The following SLC1A2 variants were observed in gnomAD, a reference collection of about 807,000 sequenced individuals.
The protein encoded by SLC1A2 is solute carrier family 1 member 2, also known as excitatory amino acid transporter 2.
Under a neutral mutation model 48.8 loss-of-function variants are expected in SLC1A2, and 15 were observed. The observed-to-expected ratio is 0.31, with a 90% CI of 0.21 to 0.47. SLC1A2 has a LOEUF of 0.47. Among genes scored for constraint, SLC1A2 ranks in the 20% least tolerant of loss-of-function variants. SLC1A2 has a pLI of 0.99. For synonymous variants in SLC1A2, 279 were observed against 272.6 expected (o/e 1.02, Z -0.23); for missense variants, 502 against 730.5 (o/e 0.69, Z 3.61).
chr11:35,313,270 A>G (rs1477832459), intron 3 of SLC1A2, among the ~76,000 whole-genome samples: 1 of 152,196 alleles, frequency 6.6e-6, no homozygotes, highest in Non-Finnish European at 1.5e-5. Flanking sequence ...GAGTCTGAGA[A>G]TAACGATTTT....
intron 1 of SLC1A2, among the ~76,000 whole-genome samples, chr11:35,329,441 G>A (rs1394268707): frequency 6.6e-6 from 1 of 152,158 alleles, no homozygotes; most frequent in Non-Finnish European, 1.5e-5. Flanking sequence ...GTTGACAGTT[G>A]GGGAGGCTGC....
intron 1 of SLC1A2, among the ~76,000 whole-genome samples, chr11:35,398,167 C>T (rs1029988876): frequency 3.9e-5 from 6 of 152,158 alleles, no homozygotes; most frequent in Non-Finnish European, 8.8e-5. Context: ...ACATGTAAAC[C>T]TACTTGGCTC....
chr11:35,312,052 C>T lies in SLC1A2; in HGVS notation c.561+146G>A, dbSNP rs141589579. 1.3e-4 allele frequency: 100 copies of T among 791,526 alleles called. No individual in the cohort carries two copies. The African/African-American group carries it at 1.5e-3, about 12-fold the overall frequency. 49.0% of individuals were successfully genotyped at this position (791,526 alleles called of 1,614,324 possible). On this transcript the variant is annotated intron_variant, in intron 4 of 10. Coordinates refer to ENST00000278379, the MANE Select transcript of SLC1A2 (RefSeq NM_004171.4). Reference sequence around the variant, plus strand: ...CCAATCCCAAGATCCTGCCCTAAACCACCTCATAGAATCCCTGGGCCTAGA... The same window carrying T: ...CCAATCCCAAGATCCTGCCCTAAACTACCTCATAGAATCCCTGGGCCTAGA...
At chr11:35,268,071 C>G (rs1327959156) in intron 9 of SLC1A2, among the ~76,000 whole-genome samples, 2 of 152,206 alleles carry the variant, frequency 1.3e-5, no homozygotes, top group African/African-American at 2.4e-5. Flanking sequence ...GAGAAAAGTA[C>G]AGGCTACAGA....
chr11:35,287,123 G>A (rs1850846507), intron 7 of SLC1A2, among the ~76,000 whole-genome samples, 172 bp from the exon 8 acceptor site: 1 of 152,160 alleles, frequency 6.6e-6, no homozygotes, highest in Non-Finnish European at 1.5e-5. Context: ...GTGAGTTGGA[G>A]GCTCAAATTC....
chr11:35,348,224 CA>C (rs3833776), intron 1 of SLC1A2, among the ~76,000 whole-genome samples: 10,691 of 152,208 alleles, frequency 0.07, 548 homozygotes, highest in Middle Eastern at 0.15. Context: ...AGTCCTGGGC[CA>C]TCTGTTTTTA....
In SLC1A2 at chr11:35,306,136, G is replaced by A. The variant is rs142741081; in HGVS notation, c.668C>T (p.Pro223Leu). ...SLLNETVTEV[P>L]EETKMVIKKG... ...CTTGATAACCATCTTAGTCTCCTCC[G>A]GCACCTCAGTCACAGTCTCGTTCAA... is the stretch of plus-strand genomic sequence containing the variant. The change falls in exon 5 of 11, where the codon CCG (proline) becomes CTG (leucine). Residue 223 changes from proline (P) to leucine (L), a missense_variant. Pro to Leu is a moderately conservative substitution (Grantham distance 98). This residue lies in a region of SLC1A2 where 309 missense variants were observed against 480.3 expected (regional missense o/e 0.64). Transcript: ENST00000278379. The A allele has an allele frequency of 3.7e-6, 6 of 1,613,852 alleles. No homozygotes were observed. The highest frequency in any genetic ancestry group is 4.5e-5 in the East Asian group (2 of 44,892).
intron 9 of SLC1A2, among the ~76,000 whole-genome samples, chr11:35,266,038 C>T (rs751285925): frequency 6.6e-6 from 1 of 151,942 alleles, no homozygotes; most frequent in Non-Finnish European, 1.5e-5. Context: ...ACACCAATAA[C>T]CAGTAGCAAA....
chr11:35,264,819 A>C (rs766705250), intron 10 of SLC1A2: 8 of 152,332 alleles, frequency 5.3e-5, no homozygotes, highest in South Asian at 2.1e-4. Context: ...TTAAGTTGGC[A>C]CATTTTTGAC....
chr11:35,341,818 T>C (rs1226000204), intron 1 of SLC1A2, among the ~76,000 whole-genome samples: 2 of 152,346 alleles, frequency 1.3e-5, no homozygotes, highest in African/African-American at 4.8e-5. Flanking sequence ...TGTCGATTCT[T>C]TGCAGAATTG....
chr11:35,270,134 T>C (rs898001983), intron 9 of SLC1A2, among the ~76,000 whole-genome samples: 1 of 152,140 alleles, frequency 6.6e-6, no homozygotes, highest in Non-Finnish European at 1.5e-5. Flanking sequence ...TATTTTAAAA[T>C]GAATTTTTAA....
At chr11:35,292,622 T>C (rs1297167086) in intron 6 of SLC1A2, 102 bp from the exon 7 acceptor site, 2 of 660,420 alleles carry the variant, frequency 3.0e-6, no homozygotes, top group Non-Finnish European at 5.1e-6. Flanking sequence ...TTGGCTCTTC[T>C]GTACAAAAAA....
chr11:35,279,492 C>T (rs1476231037), intron 9 of SLC1A2, among the ~76,000 whole-genome samples: 1 of 152,240 alleles, frequency 6.6e-6, no homozygotes. Flanking sequence ...TACCAGACCA[C>T]TTGTACATCC....
At chr11:35,403,977 G>A (rs796114643) in intron 1 of SLC1A2, among the ~76,000 whole-genome samples, 3 of 46,600 alleles carry the variant, frequency 6.4e-5, no homozygotes, top group Non-Finnish European at 1.6e-4. Context: ...ATATGGACAC[G>A]TGGATCAGTC....
intron 1 of SLC1A2, among the ~76,000 whole-genome samples, chr11:35,366,712 A>T (rs1214577396): frequency 6.6e-6 from 1 of 152,140 alleles, no homozygotes; most frequent in African/African-American, 2.4e-5. Context: ...GCTCCTAGGA[A>T]CCCAAACCAA....
In SLC1A2 at chr11:35,419,159, C is replaced by T; in HGVS notation, c.-193G>A. The T allele has an allele frequency of 2.1e-6, 1 of 482,838 alleles. No homozygotes were observed. Among genetic ancestry groups the T allele is most frequent in the Non-Finnish European group, 3.7e-6 (1 of 273,276 alleles). 29.9% of individuals were successfully genotyped at this position (482,838 alleles called of 1,614,324 possible). On this transcript the variant is annotated 5_prime_UTR_variant, in exon 1 of 11. Coordinates refer to ENST00000278379, the MANE Select transcript of SLC1A2 (RefSeq NM_004171.4). This position sits in a 1 kb window ranked among gnomAD's most constrained non-coding sequence, Gnocchi z 5.4. ...GCAGGAGGCTCCTGCGGGCGCTAATCCGCGTCCCGGCTCTCCACGGCGCGC... is the reference window on the plus strand; with the variant it reads ...GCAGGAGGCTCCTGCGGGCGCTAATTCGCGTCCCGGCTCTCCACGGCGCGC...
At chr11:35,395,965 T>G (rs1000435632) in intron 1 of SLC1A2, among the ~76,000 whole-genome samples, 42 of 149,516 alleles carry the variant, frequency 2.8e-4, no homozygotes, top group Non-Finnish European at 5.9e-4. Flanking sequence ...CTGAGAATGA[T>G]GATTTCCAAT....
At chr11:35,397,626 C>G (rs1444582796) in intron 1 of SLC1A2, among the ~76,000 whole-genome samples, 2 of 152,202 alleles carry the variant, frequency 1.3e-5, no homozygotes, top group African/African-American at 4.8e-5. Flanking sequence ...TTGAAATCCT[C>G]ACCCCCATGG....
chr11:35,301,079 C>A (rs1428734088), intron 6 of SLC1A2, among the ~76,000 whole-genome samples: 21 of 152,112 alleles, frequency 1.4e-4, no homozygotes, highest in Admixed American at 1.4e-3. Flanking sequence ...ATCTTTCTAA[C>A]TGTGGATACA....
Sources: gnomAD v4.1 joint callset for allele counts (sites outside exome capture counted in the v4.1 genomes callset) on GRCh38, gnomAD v4.1.1 for gene constraint, gnomAD v4.1.1 regional missense constraint, Gnocchi (gnomAD v3.1) non-coding constraint, MANE v1.5 for transcripts, NCBI Gene and HGNC (gene_info 2026-07-23, HGNC 2026-07-21) for gene names.